The following SUCLG2 variants were observed in gnomAD, a reference collection of about 807,000 sequenced individuals.
The protein encoded by SUCLG2 is succinate--CoA ligase [GDP-forming] subunit beta, mitochondrial.
SUCLG2 carries 42 observed loss-of-function variants against 47.9 expected under a neutral mutation model. The observed-to-expected ratio is 0.88, with a 90% CI of 0.69 to 1.14. The LOEUF (loss-of-function observed/expected upper bound fraction) is 1.14, where lower values mean the gene tolerates loss of function less well. Ranked by LOEUF, SUCLG2 falls within the 50% of genes most tolerant of loss-of-function variation. The pLI, the probability that SUCLG2 is intolerant of heterozygous loss-of-function variation, is 0.00. For synonymous variants in SUCLG2, 195 were observed against 197.3 expected, an observed-to-expected ratio of 0.99 and a Z score of 0.10; for missense variants, 571 against 525.9, an observed-to-expected ratio of 1.09 and a Z score of -0.84.
chr3:67,510,417 T>G (rs962156940), intron 6 of SUCLG2, among the ~76,000 whole-genome samples: 1 of 152,210 alleles, frequency 6.6e-6, no homozygotes, highest in South Asian at 2.1e-4. Flanking sequence ...ATAATACATG[T>G]ATATGATACA....
chr3:67,498,415 T>G, intron 7 of SUCLG2, 120 bp from the exon 8 acceptor site: 1 of 1,097,892 alleles, frequency 9.1e-7, no homozygotes, highest in Non-Finnish European at 1.3e-6. Flanking sequence ...TTTCACATGT[T>G]ACAGGCAGGA....
chr3:67,628,906 AAC>A (rs1700880791), intron 1 of SUCLG2, among the ~76,000 whole-genome samples: 2 of 152,246 alleles, frequency 1.3e-5, no homozygotes, highest in African/African-American at 4.8e-5. Context: ...GCTCCATGTT[AAC>A]ACAGGAGAAC....
chr3:67,396,376 A>G (rs568634703), intron 10 of SUCLG2, among the ~76,000 whole-genome samples: 1 of 152,150 alleles, frequency 6.6e-6, no homozygotes, highest in Non-Finnish European at 1.5e-5. Flanking sequence ...AACTACCATC[A>G]GAGAATACTA....
chr3:67,366,436 T>G (rs977859607), intron 10 of SUCLG2, among the ~76,000 whole-genome samples: 4 of 152,222 alleles, frequency 2.6e-5, no homozygotes, highest in South Asian at 2.1e-4. Flanking sequence ...GTTCTAAGCA[T>G]GTCTGGATTA....
intron 2 of SUCLG2, among the ~76,000 whole-genome samples, chr3:67,554,733 A>G (rs1046729409): frequency 6.6e-6 from 1 of 152,198 alleles, no homozygotes; most frequent in Non-Finnish European, 1.5e-5. Context: ...TAATGATCAC[A>G]GTTCGTCAAC....
intron 10 of SUCLG2, among the ~76,000 whole-genome samples, chr3:67,365,806 TAAATG>T (rs1051904564): frequency 2.0e-5 from 3 of 152,296 alleles, no homozygotes; most frequent in African/African-American, 7.2e-5. Flanking sequence ...GAGAATTTCT[TAAATG>T]GAGCGGACTA....
At chr3:67,424,881 T>C (rs1329968228) in intron 9 of SUCLG2, among the ~76,000 whole-genome samples, 2 of 152,094 alleles carry the variant, frequency 1.3e-5, no homozygotes, top group Non-Finnish European at 2.9e-5. Context: ...ATTCCACTTT[T>C]AGCCAATCTG....
At chr3:67,582,449 G>A (rs574378856) in intron 2 of SUCLG2, among the ~76,000 whole-genome samples, 1 of 152,186 alleles carries the variant, frequency 6.6e-6, no homozygotes, top group African/African-American at 2.4e-5. Flanking sequence ...ACATGTTCTT[G>A]CTCTTTTTTA....
At chr3:67,551,859 T>TAGA (rs1559568536) in intron 2 of SUCLG2, among the ~76,000 whole-genome samples, 1 of 151,928 alleles carries the variant, frequency 6.6e-6, no homozygotes, top group Non-Finnish European at 1.5e-5. Context: ...TGAGGAAACT[T>TAGA]AAGAAATAAA....
intron 9 of SUCLG2, among the ~76,000 whole-genome samples, chr3:67,418,801 C>G (rs1703090418): frequency 6.6e-6 from 1 of 152,126 alleles, no homozygotes; most frequent in Non-Finnish European, 1.5e-5. Context: ...CTTCCACTAC[C>G]TTTAACTGTT....
chr3:67,447,292 G>C (rs994385602), intron 9 of SUCLG2, among the ~76,000 whole-genome samples: 1 of 152,174 alleles, frequency 6.6e-6, no homozygotes, highest in Non-Finnish European at 1.5e-5. Context: ...CCCCAACAAT[G>C]AGAGGGAATG....
At chr3:67,483,475 C>G (rs1428073064) in intron 9 of SUCLG2, among the ~76,000 whole-genome samples, 1 of 152,160 alleles carries the variant, frequency 6.6e-6, no homozygotes. Context: ...CTGGCATTTT[C>G]AAGCCCCCTT....
chr3:67,379,236 G>A (rs1229179861), intron 10 of SUCLG2, among the ~76,000 whole-genome samples: 5 of 152,052 alleles, frequency 3.3e-5, no homozygotes, highest in Admixed American at 2.0e-4. Context: ...ATGAGCCACC[G>A]TACCCCATGT....
chr3:67,586,528 A>G (rs984922806), intron 2 of SUCLG2, among the ~76,000 whole-genome samples: 1 of 152,120 alleles, frequency 6.6e-6, no homozygotes, highest in Non-Finnish European at 1.5e-5. Flanking sequence ...CAATTAATCT[A>G]CCCTTCCCAA....
At chr3:67,433,554 A>G (rs1047368630) in intron 9 of SUCLG2, among the ~76,000 whole-genome samples, 1 of 152,122 alleles carries the variant, frequency 6.6e-6, no homozygotes, top group African/African-American at 2.4e-5. Context: ...TCTTTTTGCT[A>G]GCTGCTGTGT....
intron 9 of SUCLG2, chr3:67,408,455 A>G (rs780807850): frequency 1.7e-4 from 39 of 233,718 alleles, no homozygotes; most frequent in Non-Finnish European, 2.6e-4. Context: ...AAATTCATCA[A>G]TTGAGATGAA....
chr3:67,499,833 G>A (rs556592080), intron 7 of SUCLG2, among the ~76,000 whole-genome samples: 2 of 152,196 alleles, frequency 1.3e-5, no homozygotes, highest in African/African-American at 4.8e-5. Flanking sequence ...CCAGGTTCAA[G>A]CGATTCTCCT....
intron 2 of SUCLG2, among the ~76,000 whole-genome samples, chr3:67,546,417 C>T (rs1489256851): frequency 1.3e-5 from 2 of 152,120 alleles, no homozygotes; most frequent in East Asian, 1.9e-4. Context: ...AAATTCCAAT[C>T]ATTACAAGAA....
chr3:67,546,735 AAAAC>A (rs575588636), intron 2 of SUCLG2, among the ~76,000 whole-genome samples: 8 of 152,080 alleles, frequency 5.3e-5, no homozygotes, highest in Non-Finnish European at 8.8e-5. Flanking sequence ...ACTCTGTCTC[AAAAC>A]AAACAAACAA....
Sources: gnomAD v4.1 joint callset for allele counts (sites outside exome capture counted in the v4.1 genomes callset) on GRCh38, gnomAD v4.1.1 for gene constraint, MANE v1.5 for transcripts, NCBI Gene and HGNC (gene_info 2026-07-23, HGNC 2026-07-21) for gene names.